SLFN12L: variants seen among roughly 807,000 people sequenced by gnomAD.
SLFN12L encodes the protein schlafen family member 12-like.
In SLFN12L, 34 loss-of-function variants were observed where a neutral mutation model predicts 34.8. The observed-to-expected ratio is 0.98, with a 90% CI of 0.74 to 1.30. The LOEUF is 1.30. Among genes scored for constraint, SLFN12L ranks in the 50% most tolerant of loss-of-function variants. The probability of loss-of-function intolerance (pLI) is 0.00; values close to 1 mark genes in which losing one functional copy is unlikely to be tolerated. For missense variants in SLFN12L, 703 were observed against 696.2 expected (o/e 1.01, Z -0.11); for synonymous variants, 259 against 247.5 (o/e 1.05, Z -0.44).
At chr17:35,515,045 G>A in intron 2 of SLFN12L, 1 of 567,154 alleles carries the variant, frequency 1.8e-6, no homozygotes, top group Non-Finnish European at 3.4e-6. Context: ...CTCACTCCTC[G>A]GCCAGCTTCT....
At chr17:35,498,372 C>A in intron 2 of SLFN12L, 1 of 1,090,684 alleles carries the variant, frequency 9.2e-7, no homozygotes, top group Non-Finnish European at 1.4e-6. Context: ...CAGAGAATCT[C>A]ATTGTGCCGA....
At chr17:35,476,447 A>G (rs1445729355) in intron 4 of SLFN12L, among the ~76,000 whole-genome samples, 1 of 144,884 alleles carries the variant, frequency 6.9e-6, no homozygotes, top group Non-Finnish European at 1.5e-5. Context: ...AAAGAAAGAA[A>G]AGAAAGCAAG....
chr17:35,526,878 T>C (rs1009338509), intron 1 of SLFN12L, among the ~76,000 whole-genome samples: 5 of 148,096 alleles, frequency 3.4e-5, no homozygotes. Context: ...ATGAAGGACA[T>C]AGAGACACAA....
intron 2 of SLFN12L, among the ~76,000 whole-genome samples, chr17:35,521,294 G>A (rs766084093): frequency 1.3e-5 from 2 of 152,154 alleles, no homozygotes; most frequent in African/African-American, 2.4e-5. Context: ...GATAAATTGC[G>A]GAGTTTAGTT....
chr17:35,466,382 G>A lies in SLFN12L; in HGVS notation c.*8541C>T, dbSNP rs1202271860. ...TCCATAATCTTGCCTTTTACAGAAT[G>A]TCATATAGTTGGAATCATACAGTAT... On this transcript the variant is annotated 3_prime_UTR_variant, in exon 5 of 5. Transcript: ENST00000628453. Among the ~76,000 whole-genome samples, 3 of 152,148 alleles carry A rather than the reference G, an allele frequency of 2.0e-5. No homozygotes were observed. The highest frequency in any genetic ancestry group is 2.1e-4 in the South Asian group (1 of 4,834).
chr17:35,530,425 GGAAGGGAAGGGAAGGGAA>G (rs1567693786), intron 1 of SLFN12L, among the ~76,000 whole-genome samples: 117 of 8,364 alleles, frequency 0.014, 15 homozygotes, highest in Admixed American at 0.039. Context: ...AAGGAAGGAA[GGAAGGGAAGGGAAGGGAA>G]GAAAGAAAGA....
At chr17:35,509,621 T>C (rs914661830) in intron 2 of SLFN12L, among the ~76,000 whole-genome samples, 4 of 152,180 alleles carry the variant, frequency 2.6e-5, no homozygotes, top group Non-Finnish European at 4.4e-5. Flanking sequence ...TTTGGACTTT[T>C]ATTTTTTCCT....
chr17:35,478,216 C>T (rs1242654467), intron 3 of SLFN12L, 31 bp from the exon 4 acceptor site: 17 of 1,426,250 alleles, frequency 1.2e-5, no homozygotes, highest in Middle Eastern at 1.8e-4. Flanking sequence ...ACAAAAATCA[C>T]GCTCTTAATT....
chr17:35,506,985 GA>G, intron 2 of SLFN12L, among the ~76,000 whole-genome samples: 1 of 152,326 alleles, frequency 6.6e-6, no homozygotes, highest in South Asian at 2.1e-4. Context: ...ACCACACTAA[GA>G]AAAATCCATT....
At chr17:35,495,948 A>ACACAC (rs1567665578) in intron 2 of SLFN12L, among the ~76,000 whole-genome samples, 1 of 133,828 alleles carries the variant, frequency 7.5e-6, no homozygotes, top group African/African-American at 2.9e-5. Flanking sequence ...CACACACACA[A>ACACAC]CAAAACGCCA....
intron 2 of SLFN12L, chr17:35,487,884 T>C (rs1294131284): frequency 1.2e-6 from 1 of 857,006 alleles, no homozygotes; most frequent in East Asian, 2.7e-5. Context: ...CACGCGCTGT[T>C]ATCGACTCTG....
intron 2 of SLFN12L, chr17:35,498,355 C>G (rs947110643): frequency 2.0e-6 from 2 of 1,024,238 alleles, no homozygotes; most frequent in Admixed American, 3.4e-5. Context: ...GCCAATCTCA[C>G]GGTACACAGA....
chr17:35,514,598 C>G (rs2085968215), intron 2 of SLFN12L, among the ~76,000 whole-genome samples: 6 of 152,148 alleles, frequency 3.9e-5, no homozygotes, highest in Admixed American at 3.9e-4. Context: ...ATGCTTTTCA[C>G]TGGGAAAAAT....
At chr17:35,480,469 T>A (rs535433124) in intron 2 of SLFN12L, 113 of 316,212 alleles carry the variant, frequency 3.6e-4, no homozygotes, top group Non-Finnish European at 5.9e-4. Context: ...TTCTCATCAC[T>A]AATATTGTAC....
Position 35,502,416 on chromosome 17 carries a change from G to GAAAAAAAA in SLFN12L, c.86+19855_86+19862dup, listed in dbSNP as rs1161388791. 4.4e-3 allele frequency among the ~76,000 whole-genome samples: 112 copies of GAAAAAAAA among 25,260 alleles called. 10 individuals carry two copies. Among genetic ancestry groups the GAAAAAAAA allele is most frequent in the Non-Finnish European group, 6.9e-3 (77 of 11,228 alleles). The allele number at this position is 25,260 out of a possible 152,430, so 16.6% of individuals were successfully genotyped here. On this transcript the variant is annotated intron_variant, in intron 2 of 4. Coordinates refer to ENST00000628453, the MANE Select transcript of SLFN12L (RefSeq NM_001363830.2). ...CTCACCAGTTCAGAAGTATCCTAAG[G>GAAAAAAAA]AAAAAAAAAAAAAAAAAAAAAAAAA...
chr17:35,498,607 C>G, intron 2 of SLFN12L: 5 of 1,608,356 alleles, frequency 3.1e-6, no homozygotes, highest in Non-Finnish European at 4.3e-6. Context: ...CTGCAGAAAG[C>G]TAGCCAGAAG....
chr17:35,491,409 T>G (rs1914833004), intron 2 of SLFN12L, among the ~76,000 whole-genome samples: 1 of 152,236 alleles, frequency 6.6e-6, no homozygotes, highest in Non-Finnish European at 1.5e-5. Context: ...TTTTAAAAAT[T>G]AATAAACAAA....
At chr17:35,519,295 A>G (rs547184712) in intron 2 of SLFN12L, among the ~76,000 whole-genome samples, 1 of 152,210 alleles carries the variant, frequency 6.6e-6, no homozygotes, top group Admixed American at 6.5e-5. Flanking sequence ...ACCATGGCAC[A>G]TGTATACCTA....
intron 1 of SLFN12L, among the ~76,000 whole-genome samples, chr17:35,536,494 A>G (rs2072462345): frequency 1.3e-5 from 2 of 152,216 alleles, no homozygotes; most frequent in Non-Finnish European, 2.9e-5. Context: ...CTCTGAAAAC[A>G]AAATAGTTTA....
Sources: gnomAD v4.1 joint callset for allele counts (sites outside exome capture counted in the v4.1 genomes callset) on GRCh38, gnomAD v4.1.1 for gene constraint, MANE v1.5 for transcripts, NCBI Gene and HGNC (gene_info 2026-07-23, HGNC 2026-07-21) for gene names.